The following ZNF319 variants were observed in gnomAD, a reference collection of about 807,000 sequenced individuals.
ZNF319 encodes zinc finger protein 319.
A neutral mutation model predicts 46.0 loss-of-function variants in ZNF319; 15 were observed. That is an observed-to-expected ratio of 0.33 (90% CI 0.22 to 0.50). The LOEUF (loss-of-function observed/expected upper bound fraction) is 0.50. ZNF319 is among the 20% of genes least tolerant of loss of function. The probability of loss-of-function intolerance (pLI) is 0.98; values close to 1 mark genes in which losing one functional copy is unlikely to be tolerated. For missense variants in ZNF319, 635 were observed against 807.0 expected, an observed-to-expected ratio of 0.79 and a Z score of 2.58; for synonymous variants, 368 against 364.0, an observed-to-expected ratio of 1.01 and a Z score of -0.13.
chr16:57,997,997 C>T lies in ZNF319; in HGVS notation c.269G>A (p.Ser90Asn). ...VCGHDLAHLS[S>N]PHEHQCLAGH... ...CGCCAGACACTGGTGCTCATGCGGA[C>T]TGGACAGGTGCGCCAGGTCGTGACC... The change falls in exon 2 of 2, where the codon AGT becomes AAT. Residue 90 changes from serine to asparagine, a missense_variant. Physicochemically the swap from Ser to Asn is conservative, Grantham distance 46 (BLOSUM62 1). Coordinates refer to ENST00000299237, the MANE Select transcript of ZNF319 (RefSeq NM_020807.3). 6.2e-7 allele frequency: 1 copy of T among 1,613,250 alleles called. No individual in the cohort carries two copies. Among genetic ancestry groups the T allele is most frequent in the East Asian group, 2.2e-5 (1 of 44,886 alleles).
chr16:57,998,379 A>G lies in ZNF319; in HGVS notation c.-114T>C. 6.7e-7 allele frequency: 1 copy of G among 1,492,772 alleles called. No individual in the cohort carries two copies. Among genetic ancestry groups the G allele is most frequent in the Non-Finnish European group, 8.9e-7 (1 of 1,118,752 alleles). The allele number at this position is 1,492,772 out of a possible 1,614,324, so 92.5% of individuals were successfully genotyped here. ...ACAGAGATGGACAAGGACCTCAGAC[A>G]AGGCACAGAAGAGGGGCTGGTCAGA... is the stretch of plus-strand genomic sequence containing the variant. On this transcript the variant is annotated 5_prime_UTR_variant, in exon 2 of 2. Transcript: ENST00000299237.
At chr16:57,998,690 C>G (rs1039808054) in intron 1 of ZNF319, among the ~76,000 whole-genome samples, 168 bp from the exon 2 acceptor site, 1 of 152,166 alleles carries the variant, frequency 6.6e-6, no homozygotes, top group Admixed American at 6.5e-5. Context: ...TCAGAGAGGT[C>G]TGCAGCCAGC....
rs554451351 is a variant in ZNF319 at position 57,996,604 on chromosome 16, C to A, written c.1662G>T (p.Val554=). The A allele has an allele frequency of 1.2e-6, 2 of 1,606,676 alleles. No individual in the cohort carries two copies. Among genetic ancestry groups the A allele is most frequent in the Admixed American group, 1.7e-5 (1 of 59,876 alleles). Residue 554 remains valine, a synonymous_variant, in exon 2 of 2, where the codon GTG becomes GTT. Coordinates refer to ENST00000299237, the MANE Select transcript of ZNF319 (RefSeq NM_020807.3). ...GCGCGCTGTGCTCCTGCAACAAGGC[C>A]ACGTCTAGGAAGCGCTCCCCGCACC... The part of the protein sequence containing the change: ...CVWCGERFLD[V]ALLQEHSAQH...
rs1315480048 is a variant in ZNF319, at chr16:57,996,666, C to T, written c.1600G>A (p.Gly534Ser). The T allele has an allele frequency of 1.9e-6, 3 of 1,613,148 alleles. No homozygotes were observed. The South Asian group carries it at 3.3e-5, about 18-fold the overall frequency. Residue 534 changes from glycine to serine, a missense_variant, in exon 2 of 2, where the codon GGC becomes AGC. Physicochemically the swap from Gly to Ser is moderately conservative, Grantham distance 56. Around this residue, in one of 3 missense-constraint regions of ZNF319, gnomAD observed 270 missense variants for 281.4 expected, o/e 0.96. Coordinates refer to ENST00000299237, the MANE Select transcript of ZNF319 (RefSeq NM_020807.3). The part of the protein sequence containing the change: ...KQREHLNKHQ[G>S]VHAREQQFKC... ...AACTGCTGCTCGCGGGCGTGCACGC[C>T]CTGGTGCTTGTTGAGATGCTCCCGC...
chr16:57,998,925 G>A (rs975670738), intron 1 of ZNF319, among the ~76,000 whole-genome samples: 2 of 152,110 alleles, frequency 1.3e-5, no homozygotes, highest in Non-Finnish European at 2.9e-5. Context: ...CTTAATACGG[G>A]CCACACCACT....
In ZNF319 at chr16:57,996,946, C is replaced by T. The variant is rs61745918; in HGVS notation, c.1320G>A (p.Ala440=). ...CCAGCTGGTGCTTCTGCAGGGCCGA[C>T]GCGCGCTTGTAGGCCTTGTTGCACA... ...CPVCNKAYKR[A]SALQKHQLAH... Residue 440 remains alanine, a synonymous_variant, in exon 2 of 2, where the codon GCG becomes GCA. Transcript: ENST00000299237. The T allele has an allele frequency of 8.7e-4, 1,389 of 1,601,776 alleles. 11 individuals carry two copies. The African/African-American group carries it at 0.016, about 18-fold the overall frequency.
intron 1 of ZNF319, among the ~76,000 whole-genome samples, chr16:57,999,167 A>G (rs1963095301): frequency 6.6e-6 from 1 of 151,998 alleles, no homozygotes; most frequent in South Asian, 2.1e-4. Context: ...GGGCTAGATG[A>G]GAGGGCCACA....
rs1345046837 is a variant in ZNF319, at chr16:57,996,316, G to A, written c.*201C>T. 19 of 1,100,720 alleles carry A rather than the reference G, an allele frequency of 1.7e-5. No individual in the cohort carries two copies. The highest frequency in any genetic ancestry group is 9.3e-5 in the Admixed American group (3 of 32,384). 68.2% of individuals were successfully genotyped at this position (1,100,720 alleles called of 1,614,324 possible). On this transcript the variant is annotated 3_prime_UTR_variant, in exon 2 of 2. Transcript: ENST00000299237. ...ATGGGCCACAGCAATCTGGCCGCCC[G>A]CACTGCCCGCTGGTGCCAGGAGTAC... is the stretch of plus-strand genomic sequence containing the variant.
rs1441217162 is a variant in ZNF319 at position 57,996,503 on chromosome 16, C to A, written c.*14G>T. 1 of 1,506,388 alleles carries A rather than the reference C, an allele frequency of 6.6e-7. No homozygotes were observed. The highest frequency in any genetic ancestry group is 1.4e-5 in the African/African-American group (1 of 72,308). 93.3% of individuals were successfully genotyped at this position (1,506,388 alleles called of 1,614,324 possible). A position where few individuals can be genotyped will look rare whatever the true frequency, so the allele number is the denominator to read the frequency against. The stretch of plus-strand genomic sequence containing the variant: ...CCGACTCAGGTCAGGCTGGTAGGGG[C>A]CACAGCCGCAGAGTCAGGGCAGGCA... On this transcript the variant is annotated 3_prime_UTR_variant, in exon 2 of 2. Coordinates refer to ENST00000299237, the MANE Select transcript of ZNF319 (RefSeq NM_020807.3).
At position 57,996,468 on chromosome 16, in the gene ZNF319, G is replaced by A; in HGVS notation, c.*49C>T. On this transcript the variant is annotated 3_prime_UTR_variant, in exon 2 of 2. Transcript: ENST00000299237. ...AGCTAGGCTGCGCGAGGCCTGCTGG[G>A]CCCACGGCGCCGACTCAGGTCAGGC... The A allele has an allele frequency of 6.8e-7, 1 of 1,460,166 alleles. No homozygotes were observed. The highest frequency in any genetic ancestry group is 9.0e-7 in the Non-Finnish European group (1 of 1,111,254). 90.5% of individuals were successfully genotyped at this position (1,460,166 alleles called of 1,614,324 possible). A position where few individuals can be genotyped will look rare whatever the true frequency, so the allele number is the denominator to read the frequency against.
chr16:57,996,796 G>T lies in ZNF319; in HGVS notation c.1470C>A (p.Asp490Glu). The T allele has an allele frequency of 6.2e-7, 1 of 1,611,082 alleles. No individual in the cohort carries two copies. ...PAREKPLKCP[D>E]CEKRFKYASD... Reference sequence around the variant, plus strand: ...ACGCGTACTTGAAGCGTTTCTCGCAGTCTGGGCACTTGAGTGGCTTCTCGC... The same window carrying T: ...ACGCGTACTTGAAGCGTTTCTCGCATTCTGGGCACTTGAGTGGCTTCTCGC... Residue 490 changes from aspartate (D) to glutamate (E), a missense_variant, in exon 2 of 2, where the codon GAC (aspartate) becomes GAA (glutamate). By Grantham distance (45) the Asp-to-Glu change is conservative. This residue lies in a region of ZNF319 where 270 missense variants were observed against 281.4 expected (regional missense o/e 0.96). Coordinates refer to ENST00000299237, the MANE Select transcript of ZNF319 (RefSeq NM_020807.3).
In ZNF319 at chr16:57,997,018, C is replaced by T; in HGVS notation, c.1248G>A (p.Arg416=). The change falls in exon 2 of 2, where the codon CGG becomes CGA. Residue 416 remains arginine, a synonymous_variant. Transcript: ENST00000299237. The part of the protein sequence containing the change: ...KGFDQSAELL[R]HKCLPGAAER... The stretch of plus-strand genomic sequence containing the variant: ...CGGCCGCGCCGGGCAGGCACTTGTG[C>T]CGCAGCAGCTCGGCAGATTGGTCAA... 6.2e-7 allele frequency: 1 copy of T among 1,610,600 alleles called. No individual in the cohort carries two copies. Among genetic ancestry groups the T allele is most frequent in the Non-Finnish European group, 8.5e-7 (1 of 1,179,488 alleles).
rs1963063861 is a variant in ZNF319, at chr16:57,998,115, C to T, written c.151G>A (p.Gly51Ser). ...CCGGGGTCTGGCTGCAGGAGGATGC[C>T]ATAGACGGCACAGCCCAGGGGGTTC... Reference protein sequence around the residue: ...AENPLGCAVYGILLQPDPGLQ... With the variant: ...AENPLGCAVYSILLQPDPGLQ... The change falls in exon 2 of 2, where the codon GGC becomes AGC. Residue 51 changes from glycine (G) to serine (S), a missense_variant. This residue lies in a region of ZNF319 where 227 missense variants were observed against 277.5 expected (regional missense o/e 0.82). Transcript: ENST00000299237. The T allele has an allele frequency of 6.2e-7, 1 of 1,605,980 alleles. No homozygotes were observed. Among genetic ancestry groups the T allele is most frequent in the Admixed American group, 1.7e-5 (1 of 59,826 alleles).
Position 57,996,653 on chromosome 16 carries a change from C to G in ZNF319, c.1613G>C (p.Arg538Pro). The change falls in exon 2 of 2, where the codon CGC becomes CCC. Residue 538 changes from arginine (R) to proline (P), a missense_variant. By Grantham distance (103) the Arg-to-Pro change is moderately radical. Transcript: ENST00000299237. ...CCATACACACTTGAACTGCTGCTCGCGGGCGTGCACGCCCTGGTGCTTGTT... is the reference window on the plus strand; with the variant it reads ...CCATACACACTTGAACTGCTGCTCGGGGGCGTGCACGCCCTGGTGCTTGTT... ...HLNKHQGVHA[R>P]EQQFKCVWCG... 6.2e-7 allele frequency: 1 copy of G among 1,612,754 alleles called. No homozygotes were observed. Among genetic ancestry groups the G allele is most frequent in the Non-Finnish European group, 8.5e-7 (1 of 1,179,990 alleles).
At position 57,997,704 on chromosome 16, in the gene ZNF319, C is replaced by T. The variant is rs1003078490; in HGVS notation, c.562G>A (p.Ala188Thr). 1.5e-5 allele frequency: 25 copies of T among 1,613,572 alleles called. No homozygotes were observed. The highest frequency in any genetic ancestry group is 1.0e-4 in the Admixed American group (6 of 60,010). Reference protein sequence around the residue: ...TAAPSLPAAPAPSTVTPAEQA... With the variant: ...TAAPSLPAAPTPSTVTPAEQA... ...TCAGCAGGGGTGACAGTGGAAGGCG[C>T]GGGTGCTGCGGGAAGCGACGGGGCG... Residue 188 changes from alanine (A) to threonine (T), a missense_variant, in exon 2 of 2, where the codon GCG becomes ACG. Transcript: ENST00000299237.
chr16:57,996,908 G>A lies in ZNF319; in HGVS notation c.1358C>T (p.Ala453Val), dbSNP rs1434638491. 6.2e-7 allele frequency: 1 copy of A among 1,601,014 alleles called. No individual in the cohort carries two copies. Among genetic ancestry groups the A allele is most frequent in the African/African-American group, 1.3e-5 (1 of 75,046 alleles). ...CGTGCAGCGCAGGGGCTTCTCTGCC[G>A]CCGCACAGTGGGCCAGCTGGTGCTT... ...LQKHQLAHCAAAEKPLRCTLC... is the reference protein window; with the variant it reads ...LQKHQLAHCAVAEKPLRCTLC... The change falls in exon 2 of 2, where the codon GCG (alanine) becomes GTG (valine). Residue 453 changes from alanine (A) to valine (V), a missense_variant. Around this residue, in one of 3 missense-constraint regions of ZNF319, gnomAD observed 270 missense variants for 281.4 expected, o/e 0.96. Transcript: ENST00000299237.
Position 57,996,940 on chromosome 16 carries a change from G to A in ZNF319, c.1326C>T (p.Ala442=). Residue 442 remains alanine, a synonymous_variant, in exon 2 of 2, where the codon GCC becomes GCT. Coordinates refer to ENST00000299237, the MANE Select transcript of ZNF319 (RefSeq NM_020807.3). ...AGTGGGCCAGCTGGTGCTTCTGCAG[G>A]GCCGACGCGCGCTTGTAGGCCTTGT... is the stretch of plus-strand genomic sequence containing the variant. ...VCNKAYKRAS[A]LQKHQLAHCA... is the part of the protein sequence containing the mutation. The A allele has an allele frequency of 6.2e-7, 1 of 1,601,518 alleles. No individual in the cohort carries two copies. Among genetic ancestry groups the A allele is most frequent in the Non-Finnish European group, 8.5e-7 (1 of 1,178,696 alleles).
Position 57,996,010 on chromosome 16 carries a change from G to A in ZNF319, c.*507C>T, listed in dbSNP as rs888098707. On this transcript the variant is annotated 3_prime_UTR_variant, in exon 2 of 2. Coordinates refer to ENST00000299237, the MANE Select transcript of ZNF319 (RefSeq NM_020807.3). The stretch of plus-strand genomic sequence containing the variant: ...TCACCCTCTGCCCTCCCAGTCCCCA[G>A]GCCTACGTCTTAAAGCTGGCCTTCT... 2 of 157,508 alleles carry A rather than the reference G, an allele frequency of 1.3e-5. No individual in the cohort carries two copies. The highest frequency in any genetic ancestry group is 4.8e-5 in the African/African-American group (2 of 41,490). 9.8% of individuals were successfully genotyped at this position (157,508 alleles called of 1,614,324 possible). A position where few individuals can be genotyped will look rare whatever the true frequency, so the allele number is the denominator to read the frequency against.
intron 1 of ZNF319, among the ~76,000 whole-genome samples, chr16:57,999,239 T>TCATACACA (rs1847997976): frequency 6.9e-6 from 1 of 145,662 alleles, no homozygotes; most frequent in Non-Finnish European, 1.5e-5. Context: ...CTCCCAGAAC[T>TCATACACA]CACACACACA....
Sources: gnomAD v4.1 joint callset for allele counts (sites outside exome capture counted in the v4.1 genomes callset) on GRCh38, gnomAD v4.1.1 for gene constraint, gnomAD v4.1.1 regional missense constraint, MANE v1.5 for transcripts, NCBI Gene and HGNC (gene_info 2026-07-23, HGNC 2026-07-21) for gene names.